Variants in CRYBA4 observed in about 807,000 individuals in gnomAD.
CRYBA4 encodes the protein crystallin beta A4.
A neutral mutation model predicts 31.7 loss-of-function variants in CRYBA4; 30 were observed. That is an observed-to-expected ratio of 0.95 (90% CI 0.71 to 1.28). CRYBA4 has a LOEUF of 1.28. CRYBA4 is among the 50% of genes most tolerant of loss of function. The pLI is 0.00. For missense variants in CRYBA4, 225 were observed against 260.7 expected (o/e 0.86, Z 0.94); for synonymous variants, 102 against 102.3 (o/e 1.00, Z 0.02).
At chr22:26,614,263 T>G in the CRYBA4 span, among the ~76,000 whole-genome samples, 1 of 152,184 alleles carries the variant, frequency 6.6e-6, no homozygotes, top group African/African-American at 2.4e-5. Flanking sequence ...CCTCCCCTTT[T>G]GAAACTCCCT....
At chr22:26,623,719 T>A (rs1413508351) in intron 3 of CRYBA4, among the ~76,000 whole-genome samples, 1 of 151,792 alleles carries the variant, frequency 6.6e-6, no homozygotes, top group African/African-American at 2.4e-5. Flanking sequence ...TATTAATTTT[T>A]AGCTAAATAG....
At chr22:26,607,987 C>G in the CRYBA4 span, 12 of 1,614,206 alleles carry the variant, frequency 7.4e-6, no homozygotes, top group Non-Finnish European at 1.0e-5. Flanking sequence ...ATGAACATCT[C>G]CCCGCGGAAG....
chr22:26,628,312 A>G lies in CRYBA4; in HGVS notation c.325A>G (p.Ile109Val), dbSNP rs146659565. The change falls in exon 5 of 6, where the codon ATC becomes GTC. Residue 109 changes from isoleucine to valine, a missense_variant. Physicochemically the swap from Ile to Val is conservative, Grantham distance 29. Coordinates refer to ENST00000354760, the MANE Select transcript of CRYBA4 (RefSeq NM_001886.3). ...GAACCACCGTGACTCGAGGCTGACA[A>G]TCTTCGAGCAAGAGAACTTCCTGGG... ...CANHRDSRLT[I>V]FEQENFLGKK... The G allele has an allele frequency of 6.8e-6, 11 of 1,613,848 alleles. No individual in the cohort carries two copies. In the African/African-American group the frequency reaches 9.4e-5, roughly 14 times the overall value.
chr22:26,629,942 CAT>C (rs10559817), intron 5 of CRYBA4, among the ~76,000 whole-genome samples: 90,170 of 151,806 alleles, frequency 0.59, 27,230 homozygotes, highest in Non-Finnish European at 0.65. Flanking sequence ...ATGAACAAAA[CAT>C]ACACGTTCCT....
At chr22:26,611,775 G>A in the CRYBA4 span, among the ~76,000 whole-genome samples, 1 of 152,072 alleles carries the variant, frequency 6.6e-6, no homozygotes, top group South Asian at 2.1e-4. Flanking sequence ...CGCCCGGCCG[G>A]GCTAGAGTTT....
the CRYBA4 span, among the ~76,000 whole-genome samples, chr22:26,612,918 C>A: frequency 6.6e-6 from 1 of 152,284 alleles, no homozygotes; most frequent in South Asian, 2.1e-4. Context: ...CCCCCACTGT[C>A]CTCTCCCCAT....
At chr22:26,606,948 T>G in the CRYBA4 span, among the ~76,000 whole-genome samples, 1 of 152,072 alleles carries the variant, frequency 6.6e-6, no homozygotes, top group Non-Finnish European at 1.5e-5. Flanking sequence ...AGTTAAATAT[T>G]ATAAGAAACT....
the CRYBA4 span, among the ~76,000 whole-genome samples, chr22:26,614,756 C>T: frequency 2.6e-5 from 4 of 152,078 alleles, no homozygotes; most frequent in Middle Eastern, 3.4e-3. Flanking sequence ...CTTGGGGAGG[C>T]GGAGGCTAGG....
chr22:26,606,649 A>G, the CRYBA4 span, among the ~76,000 whole-genome samples: 2 of 152,256 alleles, frequency 1.3e-5, no homozygotes, highest in Non-Finnish European at 2.9e-5. Flanking sequence ...TCAGTCTTAC[A>G]TTCTGCGAAA....
chr22:26,610,022 A>T, the CRYBA4 span, among the ~76,000 whole-genome samples: 1 of 146,930 alleles, frequency 6.8e-6, no homozygotes, highest in Admixed American at 6.9e-5. Context: ...CTTCTGGAAA[A>T]ACAGACACTG....
At chr22:26,611,804 C>G in the CRYBA4 span, among the ~76,000 whole-genome samples, 1 of 152,102 alleles carries the variant, frequency 6.6e-6, no homozygotes, top group Non-Finnish European at 1.5e-5. Context: ...GTAGAAGCAG[C>G]ATTTCTCCAG....
intron 3 of CRYBA4, among the ~76,000 whole-genome samples, chr22:26,624,436 G>A (rs1182698108): frequency 1.3e-5 from 2 of 152,254 alleles, no homozygotes; most frequent in Non-Finnish European, 2.9e-5. Flanking sequence ...AGGAGATGTG[G>A]CCAGTAGCTA....
intron 4 of CRYBA4, among the ~76,000 whole-genome samples, chr22:26,627,426 T>C (rs1455855467): frequency 4.0e-5 from 3 of 75,316 alleles, no homozygotes; most frequent in Non-Finnish European, 6.8e-5. Context: ...CTTTCTTTCT[T>C]TTTCTTTCTT....
chr22:26,599,480 A>G, the CRYBA4 span: 8 of 1,603,996 alleles, frequency 5.0e-6, no homozygotes, highest in Non-Finnish European at 5.1e-6. Context: ...TAGCAGAGTG[A>G]GGTGTGGACT....
the CRYBA4 span, among the ~76,000 whole-genome samples, chr22:26,613,774 A>T: frequency 6.6e-6 from 1 of 152,242 alleles, no homozygotes; most frequent in South Asian, 2.1e-4. Flanking sequence ...TGTTCAGGGA[A>T]TAAGAGAGAT....
chr22:26,628,201 C>A, intron 4 of CRYBA4, 87 bp from the exon 5 acceptor site: 1 of 1,591,534 alleles, frequency 6.3e-7, no homozygotes, highest in Non-Finnish European at 8.6e-7. Flanking sequence ...ATTTGGGAGA[C>A]AAGGGCAGGG....
the CRYBA4 span, among the ~76,000 whole-genome samples, chr22:26,602,199 C>T: frequency 4.8e-3 from 733 of 152,252 alleles, 3 homozygotes; most frequent in Middle Eastern, 0.02. Context: ...GGGATGACAA[C>T]TCCCACGTCA....
chr22:26,612,703 A>C, the CRYBA4 span, among the ~76,000 whole-genome samples: 2 of 152,182 alleles, frequency 1.3e-5, no homozygotes, highest in African/African-American at 4.8e-5. Flanking sequence ...GGAACTTATG[A>C]ACCTCCCTTT....
chr22:26,625,364 G>T, intron 3 of CRYBA4, 117 bp from the exon 4 acceptor site: 2 of 1,207,606 alleles, frequency 1.7e-6, no homozygotes, highest in Non-Finnish European at 1.2e-6. Flanking sequence ...AGTGTTTCCT[G>T]GGGGCACAGT....
Sources: gnomAD v4.1 joint callset for allele counts (sites outside exome capture counted in the v4.1 genomes callset) on GRCh38, gnomAD v4.1.1 for gene constraint, MANE v1.5 for transcripts, NCBI Gene and HGNC (gene_info 2026-07-23, HGNC 2026-07-21) for gene names.